The following NCAM1 variants were observed in gnomAD, a reference collection of about 807,000 sequenced individuals.
NCAM1 encodes the protein antigen recognized by monoclonal antibody 5.1H11.
In NCAM1, 14 loss-of-function variants were observed where a neutral mutation model predicts 109.8. The ratio of observed to expected loss-of-function variants is 0.13; its 90% CI spans 0.08 to 0.20. NCAM1 has a LOEUF of 0.20. Among genes scored for constraint, NCAM1 ranks in the 10% least tolerant of loss-of-function variants. The probability of loss-of-function intolerance (pLI) is 1.00; values close to 1 mark genes in which losing one functional copy is unlikely to be tolerated. For missense variants in NCAM1, 774 were observed against 1,109.9 expected (o/e 0.70, Z 4.30); for synonymous variants, 418 against 442.9 (o/e 0.94, Z 0.70).
At chr11:113,158,289 C>A (rs1305140153) in intron 1 of NCAM1, among the ~76,000 whole-genome samples, 1 of 149,764 alleles carries the variant, frequency 6.7e-6, no homozygotes, top group Non-Finnish European at 1.5e-5. Flanking sequence ...TTACTTCATT[C>A]ATTGTTGGGA....
chr11:113,132,104 G>A (rs1405779145), intron 1 of NCAM1, among the ~76,000 whole-genome samples: 1 of 152,170 alleles, frequency 6.6e-6, no homozygotes, highest in African/African-American at 2.4e-5. Context: ...CCATGACTTT[G>A]CAGTCCTCTG....
At chr11:113,001,809 A>G (rs1025348159) in intron 1 of NCAM1, among the ~76,000 whole-genome samples, 3 of 152,194 alleles carry the variant, frequency 2.0e-5, no homozygotes, top group African/African-American at 7.2e-5. Context: ...TAGATAAAAA[A>G]AAAACTCCAG....
chr11:113,021,893 AGCTACT>A (rs2135247266), intron 1 of NCAM1, among the ~76,000 whole-genome samples: 1 of 152,364 alleles, frequency 6.6e-6, no homozygotes, highest in East Asian at 1.9e-4. Context: ...ACTAAGCCAC[AGCTACT>A]GCAATGGTTG....
At chr11:113,240,596 G>T in intron 14 of NCAM1, 1 of 613,350 alleles carries the variant, frequency 1.6e-6, no homozygotes, top group South Asian at 2.0e-5. Flanking sequence ...CTCAAGGTTT[G>T]ACGTTAGAGA....
At chr11:113,022,197 C>T (rs1555076372) in intron 1 of NCAM1, among the ~76,000 whole-genome samples, 2 of 152,154 alleles carry the variant, frequency 1.3e-5, no homozygotes, top group Non-Finnish European at 2.9e-5. Context: ...ATACAAACAC[C>T]TCGTTTGGGG....
At chr11:113,003,018 T>C (rs1951797826) in intron 1 of NCAM1, among the ~76,000 whole-genome samples, 1 of 152,226 alleles carries the variant, frequency 6.6e-6, no homozygotes, top group South Asian at 2.1e-4. Context: ...GCCAATACCA[T>C]AAATCAGTTT....
At position 113,210,819 on chromosome 11, in the gene NCAM1, CACAT is replaced by C. The variant is rs1464928591; in HGVS notation, c.916+2819_916+2822del. 2.8e-4 allele frequency among the ~76,000 whole-genome samples: 41 copies of C among 145,428 alleles called. No individual in the cohort carries two copies. In the South Asian group the frequency reaches 5.9e-3, roughly 21 times the overall value. On this transcript the variant is annotated intron_variant, in intron 7 of 19. Transcript: ENST00000316851. ...ACACACACACACACACACACACACA[CACAT>C]ATTTCACAATTTCTTTCCCGAAACT...
chr11:112,979,394 G>A (rs1282880656), intron 1 of NCAM1, among the ~76,000 whole-genome samples: 4 of 151,704 alleles, frequency 2.6e-5, no homozygotes, highest in African/African-American at 9.7e-5. Flanking sequence ...AAATCAAATT[G>A]TCTTTTATTT....
At chr11:113,050,074 T>C (rs576297621) in intron 1 of NCAM1, among the ~76,000 whole-genome samples, 1 of 148,880 alleles carries the variant, frequency 6.7e-6, no homozygotes, top group Non-Finnish European at 1.5e-5. Flanking sequence ...CTGTGGGGCT[T>C]TTCTATTCCA....
In NCAM1 at chr11:113,173,906, T is replaced by C. The variant is rs553119071; in HGVS notation, c.53-28473T>C. 2.6e-3 allele frequency among the ~76,000 whole-genome samples: 388 copies of C among 152,074 alleles called. 3 individuals carry two copies. The highest frequency in any genetic ancestry group is 5.0e-3 in the Non-Finnish European group (338 of 67,990). ...GGTGGACTTGGATTGTTGTTGCTTC[T>C]AGCTAGCTCAATGCCAGAGGCCACC... On this transcript the variant is annotated intron_variant, in intron 1 of 19. Transcript: ENST00000316851.
At chr11:113,238,031 T>C (rs11214550) in intron 14 of NCAM1, among the ~76,000 whole-genome samples, 53,640 of 150,316 alleles carry the variant, frequency 0.36, 10,931 homozygotes, top group South Asian at 0.52. Flanking sequence ...AAATTTTTAA[T>C]GAAATTTTAA....
At chr11:113,071,735 G>A (rs1246699226) in intron 1 of NCAM1, among the ~76,000 whole-genome samples, 1 of 152,178 alleles carries the variant, frequency 6.6e-6, no homozygotes, top group Non-Finnish European at 1.5e-5. Flanking sequence ...CCTGTTGGTT[G>A]GAATTGTACT....
chr11:112,997,951 C>T (rs1274664646), intron 1 of NCAM1, among the ~76,000 whole-genome samples: 1 of 151,988 alleles, frequency 6.6e-6, no homozygotes, highest in East Asian at 1.9e-4. Flanking sequence ...CAGTGGTTTG[C>T]CAGGAGGTGG....
intron 1 of NCAM1, among the ~76,000 whole-genome samples, chr11:113,015,660 T>C (rs1361296953): frequency 1.3e-5 from 2 of 151,728 alleles, no homozygotes; most frequent in African/African-American, 4.8e-5. Flanking sequence ...TGCTTGAACC[T>C]GGGAGGCAGA....
chr11:113,191,773 G>GTGTA (rs554993048), intron 1 of NCAM1, among the ~76,000 whole-genome samples: 2 of 139,222 alleles, frequency 1.4e-5, no homozygotes, highest in African/African-American at 3.0e-5. Flanking sequence ...GTGTGTGTGT[G>GTGTA]TATATATATA....
chr11:113,208,913 T>C (rs1470972784), intron 7 of NCAM1, among the ~76,000 whole-genome samples: 1 of 152,180 alleles, frequency 6.6e-6, no homozygotes, highest in East Asian at 1.9e-4. Context: ...CTTGTTTGCC[T>C]CCTTCCCTGA....
chr11:113,138,034 T>G (rs1941666671), intron 1 of NCAM1, among the ~76,000 whole-genome samples: 1 of 151,980 alleles, frequency 6.6e-6, no homozygotes. Flanking sequence ...AAAAAAAAAT[T>G]CTCATCTAAG....
intron 1 of NCAM1, among the ~76,000 whole-genome samples, chr11:113,091,390 T>G (rs1464975719): frequency 6.6e-6 from 1 of 152,206 alleles, no homozygotes; most frequent in Non-Finnish European, 1.5e-5. Flanking sequence ...ATCGGACACT[T>G]GCTTTTTCTA....
intron 2 of NCAM1, 50 bp downstream of exon 2, chr11:113,202,503 C>T (rs1944098687): frequency 6.6e-7 from 1 of 1,523,430 alleles, no homozygotes; most frequent in Non-Finnish European, 8.9e-7. Context: ...CAGAAACTCA[C>T]TGGGTAGAGC....
Sources: allele counts gnomAD v4.1 joint callset (sites outside exome capture counted in the v4.1 genomes callset), GRCh38; gene constraint gnomAD v4.1.1; transcripts MANE v1.5; gene names NCBI Gene and HGNC (gene_info 2026-07-23, HGNC 2026-07-21).